The following FHOD3 variants were observed in gnomAD, a reference collection of about 807,000 sequenced individuals.
The protein encoded by FHOD3 is formin homology 2 domain containing 3, also known as FH1/FH2 domain-containing protein 3.
FHOD3 carries 90 observed loss-of-function variants against 173.0 expected under a neutral mutation model. The ratio of observed to expected loss-of-function variants is 0.52; its 90% CI spans 0.44 to 0.62. The LOEUF is 0.62. Among genes scored for constraint, FHOD3 ranks in the 20% least tolerant of loss-of-function variants. The pLI is 0.00. For synonymous variants in FHOD3, 828 were observed against 823.0 expected, an observed-to-expected ratio of 1.01 and a Z score of -0.10; for missense variants, 1,945 against 2,034.7, an observed-to-expected ratio of 0.96 and a Z score of 0.85.
intron 20 of FHOD3, among the ~76,000 whole-genome samples, chr18:36,738,188 A>G (rs1177642379): frequency 1.3e-5 from 2 of 152,204 alleles, no homozygotes; most frequent in Non-Finnish European, 2.9e-5. Flanking sequence ...GCCGAGTGCT[A>G]TTGCATTGCA....
chr18:36,521,739 T>G (rs1458815734), intron 5 of FHOD3, among the ~76,000 whole-genome samples: 2 of 152,170 alleles, frequency 1.3e-5, no homozygotes, highest in Non-Finnish European at 2.9e-5. Context: ...TCTGTTCTCC[T>G]TAGTCCTTGG....
intron 3 of FHOD3, among the ~76,000 whole-genome samples, chr18:36,403,513 G>A (rs1318006437): frequency 6.6e-6 from 1 of 152,102 alleles, no homozygotes; most frequent in Non-Finnish European, 1.5e-5. Context: ...CATGCTCTCA[G>A]AATGGAACTT....
Position 36,717,959 on chromosome 18 carries a change from G to A in FHOD3, c.2661G>A (p.Lys887=), listed in dbSNP as rs560667713. 1.2e-6 allele frequency: 2 copies of A among 1,614,028 alleles called. No homozygotes were observed. Among genetic ancestry groups the A allele is most frequent in the South Asian group, 1.1e-5 (1 of 91,046 alleles). ...GGAAGTCTCCGGATGATGAGGAGAA[G>A]GGGGATGGGGAGGCTGGGAGGACCC... ...HNRKSPDDEE[K]GDGEAGRTQQ... is the part of the protein sequence containing the mutation. The change falls in exon 19 of 29, where the codon AAG becomes AAA. Residue 887 remains lysine (K), a synonymous_variant. Transcript: ENST00000590592.
intron 3 of FHOD3, among the ~76,000 whole-genome samples, chr18:36,445,485 G>A (rs1023700620): frequency 4.6e-5 from 7 of 152,266 alleles, no homozygotes; most frequent in Middle Eastern, 3.4e-3. Context: ...TACTTTTCAT[G>A]GTGTTTGGCG....
intron 5 of FHOD3, among the ~76,000 whole-genome samples, chr18:36,543,023 A>T (rs1421096403): frequency 1.3e-5 from 2 of 152,214 alleles, no homozygotes; most frequent in African/African-American, 4.8e-5. Flanking sequence ...GTTGCCTTCC[A>T]TTATGTGGGT....
chr18:36,395,464 A>G (rs1048206960), intron 3 of FHOD3, among the ~76,000 whole-genome samples: 5 of 152,284 alleles, frequency 3.3e-5, no homozygotes, highest in Admixed American at 3.3e-4. Context: ...ATATCTTTCT[A>G]GTCATTTTGT....
rs556292048 is a variant in FHOD3 at position 36,543,672 on chromosome 18, GA to G, written c.511+31130del. 3.3e-5 allele frequency among the ~76,000 whole-genome samples: 5 copies of G among 152,256 alleles called. No individual in the cohort carries two copies. The South Asian group carries it at 1.0e-3, about 32-fold the overall frequency. ...CACCCACTGGGGATGTGAGGTAGAG[GA>G]GCAAGCCCCGCGTACTGGCCTCACA... On this transcript the variant is annotated intron_variant, in intron 5 of 28. Transcript: ENST00000590592.
chr18:36,477,798 C>T (rs1183701986), intron 3 of FHOD3, among the ~76,000 whole-genome samples: 2 of 152,110 alleles, frequency 1.3e-5, no homozygotes, highest in African/African-American at 4.8e-5. Flanking sequence ...GTGGGCAACA[C>T]AGAGACAGTG....
chr18:36,711,823 G>C (rs954537738), intron 18 of FHOD3, among the ~76,000 whole-genome samples: 1 of 152,208 alleles, frequency 6.6e-6, no homozygotes, highest in Non-Finnish European at 1.5e-5. Context: ...TTGCCTAACA[G>C]AATAGAACAC....
At chr18:36,615,757 GGGAA>G (rs1271813174) in intron 9 of FHOD3, among the ~76,000 whole-genome samples, 1 of 152,180 alleles carries the variant, frequency 6.6e-6, no homozygotes, top group African/African-American at 2.4e-5. Flanking sequence ...TAGATCTCTA[GGGAA>G]GATATTTTCC....
In FHOD3 at chr18:36,652,648, G is replaced by A. The variant is rs1440627231; in HGVS notation, c.1365G>A (p.Ser455=). ...AGAGCTCTGCCCTCCCTGCTGTCTC[G>A]AATGCCAGCTCGCAGGGAAAGCCGC... ...APKSSALPAV[S]NASSQGKPLL... is the part of the protein sequence containing the mutation. Residue 455 remains serine, a synonymous_variant, in exon 12 of 29, where the codon TCG becomes TCA. Coordinates refer to ENST00000590592, the MANE Select transcript of FHOD3 (RefSeq NM_001281740.3). The A allele has an allele frequency of 2.6e-6, 4 of 1,535,430 alleles. No individual in the cohort carries two copies. Among genetic ancestry groups the A allele is most frequent in the African/African-American group, 2.7e-5 (2 of 73,098 alleles).
intron 5 of FHOD3, among the ~76,000 whole-genome samples, chr18:36,576,078 C>T (rs1344935411): frequency 2.6e-5 from 4 of 152,194 alleles, no homozygotes; most frequent in African/African-American, 9.7e-5. Flanking sequence ...TTCGTTTGTC[C>T]TTGTGGCCCC....
At chr18:36,543,790 G>T (rs903421161) in intron 5 of FHOD3, among the ~76,000 whole-genome samples, 2 of 152,154 alleles carry the variant, frequency 1.3e-5, no homozygotes, top group Non-Finnish European at 2.9e-5. Context: ...TGGTACTACT[G>T]CCAGTGCCAG....
chr18:36,667,252 G>A (rs577234790), intron 14 of FHOD3, among the ~76,000 whole-genome samples: 7 of 152,282 alleles, frequency 4.6e-5, no homozygotes, highest in Admixed American at 6.5e-5. Flanking sequence ...TATGTTCTGA[G>A]AAAAGCAGTG....
intron 2 of FHOD3, among the ~76,000 whole-genome samples, chr18:36,369,416 A>T (rs1430909873): frequency 7.1e-6 from 1 of 140,894 alleles, no homozygotes; most frequent in Non-Finnish European, 1.5e-5. Flanking sequence ...CTTATGGTGG[A>T]TGTCCTTTGT....
intron 18 of FHOD3, among the ~76,000 whole-genome samples, chr18:36,716,948 G>A (rs1051832435): frequency 1.3e-5 from 2 of 151,498 alleles, no homozygotes; most frequent in African/African-American, 2.4e-5. Context: ...GTGTGTGTGT[G>A]TGTGTATGTG....
chr18:36,652,827 T>C lies in FHOD3; in HGVS notation c.1544T>C (p.Leu515Pro). ...SLKVSPTIDK[L>P]PYVPHSPFHL... is the part of the protein sequence containing the mutation. ...AAGGTGTCACCGACCATAGACAAGC[T>C]GCCCTACGTGCCCCACAGCCCCTTC... is the stretch of plus-strand genomic sequence containing the variant. The change falls in exon 12 of 29, where the codon CTG (leucine) becomes CCG (proline). Residue 515 changes from leucine (L) to proline (P), a missense_variant. By Grantham distance (98) the Leu-to-Pro change is moderately conservative (BLOSUM62 -3). Coordinates refer to ENST00000590592, the MANE Select transcript of FHOD3 (RefSeq NM_001281740.3). 6.5e-6 allele frequency: 10 copies of C among 1,535,992 alleles called. No homozygotes were observed. The highest frequency in any genetic ancestry group is 8.7e-6 in the Non-Finnish European group (10 of 1,146,734).
In FHOD3 at chr18:36,718,218, A is replaced by G. The variant is rs1188978576; in HGVS notation, c.2920A>G (p.Thr974Ala). Reference protein sequence around the residue: ...VPETAPVQPKTESDYIWDQLM... With the variant: ...VPETAPVQPKAESDYIWDQLM... ...AGAAACAGCGCCGGTGCAGCCGAAG[A>G]CAGAGTCTGATTACATCTGGGACCA... is the stretch of plus-strand genomic sequence containing the variant. The change falls in exon 19 of 29, where the codon ACA becomes GCA. Residue 974 changes from threonine to alanine, a missense_variant. Thr to Ala is a moderately conservative substitution (Grantham distance 58). Coordinates refer to ENST00000590592, the MANE Select transcript of FHOD3 (RefSeq NM_001281740.3). 2 of 1,614,154 alleles carry G rather than the reference A, an allele frequency of 1.2e-6. No homozygotes were observed. Among genetic ancestry groups the G allele is most frequent in the Admixed American group, 1.7e-5 (1 of 60,022 alleles).
intron 5 of FHOD3, among the ~76,000 whole-genome samples, chr18:36,537,711 G>A (rs1432051518): frequency 6.6e-6 from 1 of 152,122 alleles, no homozygotes; most frequent in Non-Finnish European, 1.5e-5. Flanking sequence ...AGCAAAAACT[G>A]ATAGAACTGC....
Sources: gnomAD v4.1 joint callset for allele counts (sites outside exome capture counted in the v4.1 genomes callset) on GRCh38, gnomAD v4.1.1 for gene constraint, MANE v1.5 for transcripts, NCBI Gene and HGNC (gene_info 2026-07-23, HGNC 2026-07-21) for gene names.